KAT7: variants seen among roughly 807,000 people sequenced by gnomAD.
KAT7 encodes the protein lysine acetyltransferase 7.
KAT7 carries 10 observed loss-of-function variants against 82.1 expected under a neutral mutation model. The ratio of observed to expected loss-of-function variants is 0.12; its 90% CI spans 0.08 to 0.21. KAT7 has a LOEUF of 0.21. Among genes scored for constraint, KAT7 ranks in the 10% least tolerant of loss-of-function variants. The pLI is 1.00. For synonymous variants in KAT7, 250 were observed against 262.5 expected (o/e 0.95, Z 0.46); for missense variants, 378 against 760.9 (o/e 0.50, Z 5.92).
chr17:49,811,456 T>G lies in KAT7; in HGVS notation c.754-20T>G. 5 of 1,266,402 alleles carry G rather than the reference T, an allele frequency of 3.9e-6. No homozygotes were observed. Among genetic ancestry groups the G allele is most frequent in the Admixed American group, 2.3e-5 (1 of 42,682 alleles). The allele number at this position is 1,266,402 out of a possible 1,614,324, so 78.4% of individuals were successfully genotyped here. A position where few individuals can be genotyped will look rare whatever the true frequency, so the allele number is the denominator to read the frequency against. ...GCTTTATAAGGAGTTTTCTCTCAGT[T>G]TTCTCCTTTTTCCTTTTAGGCACCA... On this transcript the variant is annotated intron_variant, in intron 6 of 14. Coordinates refer to ENST00000259021, the MANE Select transcript of KAT7 (RefSeq NM_007067.5).
chr17:49,827,347 T>G, intron 14 of KAT7, 54 bp from the exon 15 acceptor site: 2 of 1,077,028 alleles, frequency 1.9e-6, no homozygotes, highest in Non-Finnish European at 2.9e-6. Context: ...GGAATCTATG[T>G]AAAGGCACTT....
intron 12 of KAT7, among the ~76,000 whole-genome samples, chr17:49,825,209 G>T (rs1185518901): frequency 6.6e-6 from 1 of 152,088 alleles, no homozygotes; most frequent in East Asian, 1.9e-4. Context: ...TATATATTTT[G>T]TATAAATTGA....
Position 49,806,963 on chromosome 17 carries a change from A to G in KAT7, c.663+1518A>G, listed in dbSNP as rs546669184. On this transcript the variant is annotated intron_variant, in intron 5 of 14. Transcript: ENST00000259021. ...TTAGAACCCTAAGTGGAAAGATTAG[A>G]CAAATTCCCCACATTTATTAACAGC... Among the ~76,000 whole-genome samples the G allele has an allele frequency of 3.9e-5, 6 of 152,320 alleles. No individual in the cohort carries two copies. In the South Asian group the frequency reaches 1.2e-3, roughly 32 times the overall value.
rs567287876 is a variant in KAT7, at chr17:49,833,290, A to G, written c.*5788A>G. 2.6e-5 allele frequency: 4 copies of G among 152,360 alleles called. No homozygotes were observed. The East Asian group carries it at 7.7e-4, about 29-fold the overall frequency. 9.4% of individuals were successfully genotyped at this position (152,360 alleles called of 1,614,324 possible). A position where few individuals can be genotyped will look rare whatever the true frequency, so the allele number is the denominator to read the frequency against. ...TCCTCGACAAGTCATGTTCATTCCA[A>G]GAAACCAGTCTTTGTTCTTAATTGG... On this transcript the variant is annotated 3_prime_UTR_variant, in exon 15 of 15. Transcript: ENST00000259021.
chr17:49,820,747 CT>C (rs776024422), intron 9 of KAT7, among the ~76,000 whole-genome samples: 2,317 of 99,062 alleles, frequency 0.023, 18 homozygotes, highest in African/African-American at 0.064. Context: ...GGCTGCTTGC[CT>C]TTTTTTTTTT....
rs905163147 is a variant in KAT7 at position 49,828,796 on chromosome 17, C to T, written c.*1294C>T. 1.8e-4 allele frequency: 28 copies of T among 153,468 alleles called. No homozygotes were observed. Among genetic ancestry groups the T allele is most frequent in the African/African-American group, 6.5e-4 (27 of 41,566 alleles). The allele number at this position is 153,468 out of a possible 1,614,324, so 9.5% of individuals were successfully genotyped here. A position where few individuals can be genotyped will look rare whatever the true frequency, so the allele number is the denominator to read the frequency against. ...GTCACCCTTCCCAACTTGGTCTCCTCCAACATGCTGTCTTCATGTGGAGCC... is the reference window on the plus strand; with the variant it reads ...GTCACCCTTCCCAACTTGGTCTCCTTCAACATGCTGTCTTCATGTGGAGCC... On this transcript the variant is annotated 3_prime_UTR_variant, in exon 15 of 15. Coordinates refer to ENST00000259021, the MANE Select transcript of KAT7 (RefSeq NM_007067.5).
intron 4 of KAT7, among the ~76,000 whole-genome samples, chr17:49,805,158 G>A (rs1376547485): frequency 6.6e-6 from 1 of 152,208 alleles, no homozygotes; most frequent in African/African-American, 2.4e-5. Flanking sequence ...ACATAAGCAT[G>A]TTCAAAGACT....
rs754711823 is a variant in KAT7, at chr17:49,833,101, A to G, written c.*5599A>G. ...GGTGCCAAAACATCAGTTTGCCCCT[A>G]ACCTCTTGTGCAATACCTTTAAGTC... is the stretch of plus-strand genomic sequence containing the variant. On this transcript the variant is annotated 3_prime_UTR_variant, in exon 15 of 15. Coordinates refer to ENST00000259021, the MANE Select transcript of KAT7 (RefSeq NM_007067.5). 8 of 152,230 alleles carry G rather than the reference A, an allele frequency of 5.3e-5. No homozygotes were observed. The highest frequency in any genetic ancestry group is 1.0e-4 in the Non-Finnish European group (7 of 68,042). The allele number at this position is 152,230 out of a possible 1,614,324, so 9.4% of individuals were successfully genotyped here. A position where few individuals can be genotyped will look rare whatever the true frequency, so the allele number is the denominator to read the frequency against.
At chr17:49,812,426 T>C (rs1305340743) in intron 7 of KAT7, among the ~76,000 whole-genome samples, 2 of 152,050 alleles carry the variant, frequency 1.3e-5, no homozygotes, top group Admixed American at 6.5e-5. Flanking sequence ...GGTTTTACCA[T>C]GTTGGCCAGG....
At chr17:49,807,672 G>A (rs1459446908) in intron 5 of KAT7, among the ~76,000 whole-genome samples, 1 of 152,166 alleles carries the variant, frequency 6.6e-6, no homozygotes, top group African/African-American at 2.4e-5. Flanking sequence ...TTGATGCAGG[G>A]TATAGGGTGC....
At chr17:49,812,360 G>A (rs1165023696) in intron 7 of KAT7, among the ~76,000 whole-genome samples, 3 of 151,344 alleles carry the variant, frequency 2.0e-5, no homozygotes, top group African/African-American at 4.9e-5. Flanking sequence ...GAGTAGCTAG[G>A]ATTACAGACA....
At chr17:49,827,034 A>G in intron 14 of KAT7, 1 of 469,556 alleles carries the variant, frequency 2.1e-6, no homozygotes, top group Non-Finnish European at 3.8e-6. Flanking sequence ...AGCTCCAGTT[A>G]AGCAGCTTTA....
Position 49,798,453 on chromosome 17 carries a change from C to T in KAT7, c.475C>T (p.Leu159=). 6.2e-7 allele frequency: 1 copy of T among 1,614,214 alleles called. No homozygotes were observed. The highest frequency in any genetic ancestry group is 8.5e-7 in the Non-Finnish European group (1 of 1,180,026). Residue 159 remains leucine, a synonymous_variant, in exon 4 of 15, where the codon CTG becomes TTG. Transcript: ENST00000259021. ...HDESIAKDMS[L]KDSGSDLSHR... is the part of the protein sequence containing the mutation. ...TGAGAGCATTGCCAAGGACATGTCC[C>T]TGAAGGACTCAGGCAGTGATCTCTC... is the stretch of plus-strand genomic sequence containing the variant.
At chr17:49,814,535 G>A (rs2074210099) in intron 7 of KAT7, among the ~76,000 whole-genome samples, 1 of 152,148 alleles carries the variant, frequency 6.6e-6, no homozygotes, top group South Asian at 2.1e-4. Flanking sequence ...TTATATACAG[G>A]AAAACTAAGA....
chr17:49,797,241 T>A (rs1396068748), intron 3 of KAT7, among the ~76,000 whole-genome samples: 1 of 152,060 alleles, frequency 6.6e-6, no homozygotes, highest in Non-Finnish European at 1.5e-5. Flanking sequence ...TTTTTTGTAT[T>A]TTTAGTAGAG....
At chr17:49,825,391 G>GT (rs2074356612) in intron 12 of KAT7, among the ~76,000 whole-genome samples, 1 of 152,098 alleles carries the variant, frequency 6.6e-6, no homozygotes, top group South Asian at 2.1e-4. Flanking sequence ...CATCTCCCTT[G>GT]TTTCCAACAC....
intron 7 of KAT7, among the ~76,000 whole-genome samples, chr17:49,814,634 G>T (rs2074211461): frequency 6.6e-6 from 1 of 152,006 alleles, no homozygotes; most frequent in Non-Finnish European, 1.5e-5. Flanking sequence ...ACAAACATCT[G>T]CTCTGCTTTT....
At chr17:49,791,155 T>G (rs1434260474) in intron 1 of KAT7, among the ~76,000 whole-genome samples, 2 of 152,204 alleles carry the variant, frequency 1.3e-5, no homozygotes, top group African/African-American at 4.8e-5. Context: ...CTTAAATTCT[T>G]TTGGGATTAG....
rs914664320 is a variant in KAT7 at position 49,832,849 on chromosome 17, G to A, written c.*5347G>A. The stretch of plus-strand genomic sequence containing the variant: ...TATGTGATGTGTGCTAGGACTTCTA[G>A]AAGCCACCCTTTGCTTTGCTGTTCA... On this transcript the variant is annotated 3_prime_UTR_variant, in exon 15 of 15. Coordinates refer to ENST00000259021, the MANE Select transcript of KAT7 (RefSeq NM_007067.5). 2 of 152,194 alleles carry A rather than the reference G, an allele frequency of 1.3e-5. No homozygotes were observed. The highest frequency in any genetic ancestry group is 4.8e-5 in the African/African-American group (2 of 41,446). The allele number at this position is 152,194 out of a possible 1,614,324, so 9.4% of individuals were successfully genotyped here.
Sources: allele counts gnomAD v4.1 joint callset (sites outside exome capture counted in the v4.1 genomes callset), GRCh38; gene constraint gnomAD v4.1.1; transcripts MANE v1.5; gene names NCBI Gene and HGNC (gene_info 2026-07-23, HGNC 2026-07-21).